The following INSYN2B variants were observed in gnomAD, a reference collection of about 807,000 sequenced individuals.
INSYN2B encodes the protein protein INSYN2B.
A neutral mutation model predicts 41.2 loss-of-function variants in INSYN2B; 16 were observed. That is an observed-to-expected ratio of 0.39 (90% confidence interval 0.26 to 0.59). INSYN2B has a LOEUF of 0.59. Ranked by LOEUF, INSYN2B falls within the 20% of genes least tolerant of loss-of-function variation. INSYN2B has a pLI of 0.57. For synonymous variants in INSYN2B, 245 were observed against 244.4 expected (o/e 1.00, Z -0.02); for missense variants, 608 against 646.4 (o/e 0.94, Z 0.64).
At chr5:169,891,785 C>T (rs1055966427) in intron 1 of INSYN2B, among the ~76,000 whole-genome samples, 1 of 152,024 alleles carries the variant, frequency 6.6e-6, no homozygotes, top group African/African-American at 2.4e-5. Flanking sequence ...GAGTTCAAGA[C>T]CAGCTTGGAC....
Position 169,900,454 on chromosome 5 carries a change from G to C in INSYN2B, c.-918-15638C>G, listed in dbSNP as rs558980755. ...CTGGGCGAGATAGTGGCAAATGTCAGGAGAAGACTGGCTGGCAGGAGGCAT... is the reference window on the plus strand; with the variant it reads ...CTGGGCGAGATAGTGGCAAATGTCACGAGAAGACTGGCTGGCAGGAGGCAT... On this transcript the variant is annotated intron_variant, in intron 1 of 3. Transcript: ENST00000377365. Among the ~76,000 whole-genome samples, 144 of 152,318 alleles carry C rather than the reference G, an allele frequency of 9.5e-4. 1 individual carries two copies. The highest frequency in any genetic ancestry group is 3.2e-3 in the African/African-American group (133 of 41,562).
At position 169,884,055 on chromosome 5, in the gene INSYN2B, C is replaced by G; in HGVS notation, c.-157G>C. ...TCTTAGTATGGGAAATCCTGTTGGC[C>G]ATTCCCAGCCTCTAGAGTCTACGTA... On this transcript the variant is annotated 5_prime_UTR_variant, in exon 2 of 4. It removes an upstream start codon present in the reference 5' UTR. Transcript: ENST00000377365. 1.8e-6 allele frequency: 1 copy of G among 568,434 alleles called. No homozygotes were observed. The highest frequency in any genetic ancestry group is 2.9e-6 in the Non-Finnish European group (1 of 350,822). The allele number at this position is 568,434 out of a possible 1,614,324, so 35.2% of individuals were successfully genotyped here. A position where few individuals can be genotyped will look rare whatever the true frequency, so the allele number is the denominator to read the frequency against.
chr5:169,866,177 T>C (rs1771544859), intron 3 of INSYN2B, among the ~76,000 whole-genome samples: 1 of 152,220 alleles, frequency 6.6e-6, no homozygotes, highest in Admixed American at 6.5e-5. Flanking sequence ...TTGTTTTGTT[T>C]CTGCATTTTT....
At chr5:169,930,499 T>G (rs259892) in intron 1 of INSYN2B, among the ~76,000 whole-genome samples, 16,472 of 152,066 alleles carry the variant, frequency 0.11, 1,050 homozygotes, top group African/African-American at 0.19. Context: ...TCATGGTAAA[T>G]GAGTAAAAAT....
At chr5:169,913,380 T>A (rs1774711523) in intron 1 of INSYN2B, among the ~76,000 whole-genome samples, 1 of 152,132 alleles carries the variant, frequency 6.6e-6, no homozygotes, top group South Asian at 2.1e-4. Context: ...CTAGAACCTG[T>A]TTATAATTCA....
chr5:169,920,722 GTC>G lies in INSYN2B; in HGVS notation c.-918-35908_-918-35907del, dbSNP rs555419088. On this transcript the variant is annotated intron_variant, in intron 1 of 3. Transcript: ENST00000377365. Reference sequence around the variant, plus strand: ...AGCTCTGTGCTCATTCCCGTCTCCCGTCTCTGCAGATTTAATTTATAGCTGGA... The same window carrying G: ...AGCTCTGTGCTCATTCCCGTCTCCCGTCTGCAGATTTAATTTATAGCTGGA... Among the ~76,000 whole-genome samples, 50 of 152,262 alleles carry G rather than the reference GTC, an allele frequency of 3.3e-4. No homozygotes were observed. In the South Asian group the frequency reaches 0.01, roughly 32 times the overall value.
intron 1 of INSYN2B, among the ~76,000 whole-genome samples, chr5:169,938,024 C>G (rs991647678): frequency 9.2e-5 from 14 of 152,184 alleles, no homozygotes; most frequent in Non-Finnish European, 2.9e-5. Flanking sequence ...CTCAGAAATC[C>G]TGGGAGCCAT....
chr5:169,886,516 G>A (rs561407353), intron 1 of INSYN2B, among the ~76,000 whole-genome samples: 17 of 152,260 alleles, frequency 1.1e-4, no homozygotes, highest in African/African-American at 4.1e-4. Context: ...TGATAATGGG[G>A]AGCTCAGTAC....
chr5:169,918,672 G>C (rs1263549006), intron 1 of INSYN2B, among the ~76,000 whole-genome samples: 1 of 152,196 alleles, frequency 6.6e-6, no homozygotes, highest in Non-Finnish European at 1.5e-5. Context: ...CAGCACTTTG[G>C]GAGGCCGAGG....
At chr5:169,937,967 C>T (rs1776069449) in intron 1 of INSYN2B, among the ~76,000 whole-genome samples, 1 of 152,216 alleles carries the variant, frequency 6.6e-6, no homozygotes, top group African/African-American at 2.4e-5. Flanking sequence ...GTGGACATCA[C>T]CCCCAGGTAT....
At chr5:169,955,617 C>T (rs868163830) in intron 1 of INSYN2B, among the ~76,000 whole-genome samples, 20 of 152,126 alleles carry the variant, frequency 1.3e-4, no homozygotes, top group East Asian at 3.9e-4. Flanking sequence ...TTCTGAGGAC[C>T]GTGTATGAAG....
intron 1 of INSYN2B, among the ~76,000 whole-genome samples, chr5:169,959,922 G>C (rs988897238): frequency 6.6e-6 from 1 of 152,228 alleles, no homozygotes; most frequent in South Asian, 2.1e-4. Flanking sequence ...ATATTTGGAA[G>C]GGGTGCAAAC....
At chr5:169,958,812 G>A (rs1476027993) in intron 1 of INSYN2B, among the ~76,000 whole-genome samples, 2 of 151,992 alleles carry the variant, frequency 1.3e-5, no homozygotes, top group Non-Finnish European at 2.9e-5. Flanking sequence ...ATTGGTTCAG[G>A]GCAAAGGGGT....
intron 1 of INSYN2B, among the ~76,000 whole-genome samples, chr5:169,922,645 A>C (rs1010566610): frequency 6.6e-6 from 1 of 152,252 alleles, no homozygotes; most frequent in East Asian, 1.9e-4. Flanking sequence ...TAACAGATTT[A>C]TAGTGCTCAG....
intron 3 of INSYN2B, chr5:169,875,544 C>T (rs1450608089): frequency 1.2e-5 from 3 of 249,112 alleles, no homozygotes; most frequent in Non-Finnish European, 2.4e-5. Context: ...CTGCTGTGGC[C>T]GTTGCAATTA....
chr5:169,954,166 TA>T (rs1302420842), intron 1 of INSYN2B, among the ~76,000 whole-genome samples: 1 of 152,242 alleles, frequency 6.6e-6, no homozygotes, highest in African/African-American at 2.4e-5. Context: ...GTAGTATGTT[TA>T]AAAGAGGTTT....
intron 3 of INSYN2B, among the ~76,000 whole-genome samples, chr5:169,866,317 A>G (rs981665087): frequency 3.3e-5 from 5 of 152,176 alleles, no homozygotes; most frequent in African/African-American, 1.2e-4. Flanking sequence ...TGTATTGTGG[A>G]TGAAACATAG....
chr5:169,954,105 A>G (rs565499844), intron 1 of INSYN2B, among the ~76,000 whole-genome samples: 4 of 152,238 alleles, frequency 2.6e-5, no homozygotes, highest in African/African-American at 9.6e-5. Flanking sequence ...TTTATCAAAC[A>G]TACTGAAAGT....
chr5:169,943,978 G>A (rs917489355), intron 1 of INSYN2B, among the ~76,000 whole-genome samples: 2 of 152,244 alleles, frequency 1.3e-5, no homozygotes, highest in African/African-American at 2.4e-5. Flanking sequence ...AAAGTGGTAA[G>A]AGTGGGCTAA....
Sources: gnomAD v4.1 joint callset for allele counts (sites outside exome capture counted in the v4.1 genomes callset) on GRCh38, gnomAD v4.1.1 for gene constraint, MANE v1.5 for transcripts, NCBI Gene and HGNC (gene_info 2026-07-23, HGNC 2026-07-21) for gene names.